MICAL3: variants seen among roughly 807,000 people sequenced by gnomAD.
MICAL3 encodes [F-actin]-monooxygenase MICAL3.
In MICAL3, 62 loss-of-function variants were observed where a neutral mutation model predicts 207.4. That is an observed-to-expected ratio of 0.30 (90% CI 0.24 to 0.37). The LOEUF (loss-of-function observed/expected upper bound fraction) is 0.37, where lower values mean the gene tolerates loss of function less well. Ranked by LOEUF, MICAL3 falls within the 10% of genes least tolerant of loss-of-function variation. MICAL3 has a pLI of 1.00. For missense variants in MICAL3, 2,368 were observed against 2,635.6 expected, an observed-to-expected ratio of 0.90 and a Z score of 2.22; for synonymous variants, 1,077 against 1,069.3, an observed-to-expected ratio of 1.01 and a Z score of -0.14.
chr22:18,008,646 A>C lies in MICAL3; in HGVS notation c.-75+15635T>G, dbSNP rs1429185105. Among the ~76,000 whole-genome samples the C allele has an allele frequency of 6.6e-5, 10 of 152,222 alleles. No individual in the cohort carries two copies. In the South Asian group the frequency reaches 1.2e-3, roughly 19 times the overall value. On this transcript the variant is annotated intron_variant, in intron 1 of 31. Transcript: ENST00000441493. ...AGATCCATGGATTGGGATGTCTTAG[A>C]GCTCGAAGACATCATTCTAGGTTCT...
intron 29 of MICAL3, among the ~76,000 whole-genome samples, chr22:17,807,881 G>C (rs956763154): frequency 1.3e-5 from 2 of 152,218 alleles, no homozygotes; most frequent in African/African-American, 4.8e-5. Context: ...ACTAGAGTGA[G>C]GAAGTAAGAG....
At chr22:17,974,788 T>C (rs943300238) in intron 1 of MICAL3, among the ~76,000 whole-genome samples, 1 of 151,042 alleles carries the variant, frequency 6.6e-6, no homozygotes, top group African/African-American at 2.4e-5. Flanking sequence ...AGCACAGTGG[T>C]AGCACGTAAT....
chr22:17,873,750 C>T (rs944755088), intron 16 of MICAL3, among the ~76,000 whole-genome samples: 1 of 152,272 alleles, frequency 6.6e-6, no homozygotes, highest in Admixed American at 6.5e-5. Context: ...CCATCATGAG[C>T]CGCCCTGCTC....
At position 17,841,403 on chromosome 22, in the gene MICAL3, T is replaced by A. The variant is rs140274557; in HGVS notation, c.2801+419A>T. On this transcript the variant is annotated intron_variant, in intron 20 of 31. Coordinates refer to ENST00000441493, the MANE Select transcript of MICAL3 (RefSeq NM_015241.3). This position sits in a 1 kb window ranked among gnomAD's most constrained non-coding sequence, Gnocchi z 4.2. ...CACATTTTCAGTCCCTTTCTTTACC[T>A]ACAGGAGAAAAAAAGATGCCTGGGG... 210 of 317,064 alleles carry A rather than the reference T, an allele frequency of 6.6e-4. 1 individual carries two copies. The highest frequency in any genetic ancestry group is 4.1e-3 in the African/African-American group (200 of 48,390). The allele number at this position is 317,064 out of a possible 1,614,324, so 19.6% of individuals were successfully genotyped here. A position where few individuals can be genotyped will look rare whatever the true frequency, so the allele number is the denominator to read the frequency against.
chr22:18,022,272 G>A (rs1336847737), intron 1 of MICAL3, among the ~76,000 whole-genome samples: 1 of 152,148 alleles, frequency 6.6e-6, no homozygotes, highest in East Asian at 1.9e-4. Flanking sequence ...TTCAGGGAGA[G>A]GAAGTTTCTA....
chr22:17,877,482 G>A (rs1432183988), intron 16 of MICAL3, among the ~76,000 whole-genome samples: 41 of 133,746 alleles, frequency 3.1e-4, no homozygotes, highest in South Asian at 4.5e-4. Context: ...GGTTAGGGAG[G>A]TTATGGAGGT....
chr22:17,996,349 C>T (rs1229748202), intron 1 of MICAL3, among the ~76,000 whole-genome samples: 4 of 150,804 alleles, frequency 2.7e-5, no homozygotes, highest in African/African-American at 7.3e-5. Context: ...GAGGCTGAGG[C>T]AGGAGAATGG....
Position 17,899,517 on chromosome 22 carries a change from T to C in MICAL3, c.879A>G (p.Lys293=). 1 of 1,607,486 alleles carries C rather than the reference T, an allele frequency of 6.2e-7. No homozygotes were observed. The highest frequency in any genetic ancestry group is 8.5e-7 in the Non-Finnish European group (1 of 1,176,400). The change falls in exon 7 of 32, where the codon AAA becomes AAG. Residue 293 remains lysine (K), a synonymous_variant. Coordinates refer to ENST00000441493, the MANE Select transcript of MICAL3 (RefSeq NM_015241.3). ...GIDLENIVYY[K]DDTHYFVMTA... ...TCATAACGAAATAGTGTGTGTCATC[T>C]TTGTAGTAAACGATGTTCTCCAAGT...
intron 1 of MICAL3, among the ~76,000 whole-genome samples, chr22:17,915,334 G>A (rs1207656811): frequency 6.6e-6 from 1 of 152,234 alleles, no homozygotes; most frequent in East Asian, 1.9e-4. Context: ...GGCAGACCCA[G>A]GAAGCTGGCT....
chr22:17,909,620 G>T (rs763773085), intron 1 of MICAL3, among the ~76,000 whole-genome samples: 5 of 152,190 alleles, frequency 3.3e-5, no homozygotes, highest in Non-Finnish European at 7.3e-5. Context: ...GAGTTAACTG[G>T]AATTAACATT....
intron 9 of MICAL3, among the ~76,000 whole-genome samples, chr22:17,895,980 G>C (rs1429791730): frequency 6.6e-6 from 1 of 152,134 alleles, no homozygotes; most frequent in African/African-American, 2.4e-5. Context: ...GTTTTCCTAT[G>C]AATTCAAAGC....
intron 1 of MICAL3, among the ~76,000 whole-genome samples, chr22:17,922,638 G>C (rs920689176): frequency 1.3e-5 from 2 of 152,144 alleles, no homozygotes; most frequent in African/African-American, 4.8e-5. Context: ...GCTTCTTAGA[G>C]ATGCAAATGG....
intron 30 of MICAL3, 54 bp from the exon 31 acceptor site, chr22:17,791,125 C>T (rs541168574): frequency 2.2e-5 from 36 of 1,604,244 alleles, no homozygotes; most frequent in Middle Eastern, 3.3e-4. Context: ...GACCACCCCT[C>T]ACCCCCAAAT....
intron 1 of MICAL3, among the ~76,000 whole-genome samples, chr22:17,930,755 C>A (rs534541481): frequency 6.6e-6 from 1 of 152,194 alleles, no homozygotes; most frequent in Non-Finnish European, 1.5e-5. Flanking sequence ...GAATTGGCCA[C>A]GCCAGGAAGT....
intron 16 of MICAL3, among the ~76,000 whole-genome samples, chr22:17,874,596 C>A (rs910944580): frequency 6.6e-6 from 1 of 152,242 alleles, no homozygotes; most frequent in African/African-American, 2.4e-5. Flanking sequence ...AGCATCCCTG[C>A]AAGAGAGGTG....
At chr22:17,928,387 CA>C (rs1302378045) in intron 1 of MICAL3, among the ~76,000 whole-genome samples, 1 of 150,288 alleles carries the variant, frequency 6.7e-6, no homozygotes, top group Non-Finnish European at 1.5e-5. Context: ...TGCAGTGAGC[CA>C]AGATTGCACC....
chr22:17,843,928 C>G (rs1018584037), intron 19 of MICAL3, among the ~76,000 whole-genome samples: 21 of 152,144 alleles, frequency 1.4e-4, no homozygotes, highest in Non-Finnish European at 2.6e-4. Context: ...CTCACTGCAA[C>G]CTCCGCCTCC....
In MICAL3 at chr22:17,818,467, C is replaced by A; in HGVS notation, c.4194G>T (p.Pro1398=). The A allele has an allele frequency of 6.2e-7, 1 of 1,612,824 alleles. No individual in the cohort carries two copies. Among genetic ancestry groups the A allele is most frequent in the Non-Finnish European group, 8.5e-7 (1 of 1,179,888 alleles). ...RLGLPKPEGE[P]LSLPTPRSPS... is the part of the protein sequence containing the mutation. ...GGGACCGGGGGGTTGGCAGGGACAACGGCTCGCCTTCCGGCTTTGGCAGGC... is the reference window on the plus strand; with the variant it reads ...GGGACCGGGGGGTTGGCAGGGACAAAGGCTCGCCTTCCGGCTTTGGCAGGC... The change falls in exon 26 of 32, where the codon CCG becomes CCT. Residue 1398 remains proline, a synonymous_variant. Coordinates refer to ENST00000441493, the MANE Select transcript of MICAL3 (RefSeq NM_015241.3).
At chr22:17,879,492 G>A in intron 16 of MICAL3, 1 of 1,093,730 alleles carries the variant, frequency 9.1e-7, no homozygotes, top group South Asian at 1.5e-5. Flanking sequence ...GGGCAGAAAT[G>A]CAGAGTTCAA....
Sources: gnomAD v4.1 joint callset for allele counts (sites outside exome capture counted in the v4.1 genomes callset) on GRCh38, gnomAD v4.1.1 for gene constraint, Gnocchi (gnomAD v3.1) non-coding constraint, MANE v1.5 for transcripts, NCBI Gene and HGNC (gene_info 2026-07-23, HGNC 2026-07-21) for gene names.